CDH23: variants seen among roughly 807,000 people sequenced by gnomAD.
CDH23 encodes the protein cadherin related 23, also known as cadherin-23.
In CDH23, 189 loss-of-function variants were observed where a neutral mutation model predicts 317.1. The ratio of observed to expected loss-of-function variants is 0.60; its 90% CI spans 0.53 to 0.67. CDH23 has a LOEUF of 0.67. CDH23 is among the 30% of genes least tolerant of loss of function. CDH23 has a pLI of 0.00. For missense variants in CDH23, 4,401 were observed against 4,592.4 expected (o/e 0.96, Z 1.20); for synonymous variants, 1,839 against 1,876.8 (o/e 0.98, Z 0.52).
At chr10:71,688,720 G>T (rs1400618731) in intron 19 of CDH23, among the ~76,000 whole-genome samples, 1 of 142,832 alleles carries the variant, frequency 7.0e-6, no homozygotes. Context: ...GTGGAGTCAG[G>T]GGTGGTGGAG....
chr10:71,761,980 G>A (rs774132746), intron 38 of CDH23: 1 of 1,613,338 alleles, frequency 6.2e-7, no homozygotes, highest in South Asian at 1.1e-5. Context: ...CCTCGGGACA[G>A]ACATACAGGG....
At chr10:71,673,087 G>A (rs530563541) in intron 14 of CDH23, among the ~76,000 whole-genome samples, 43 of 152,034 alleles carry the variant, frequency 2.8e-4, no homozygotes, top group African/African-American at 9.2e-4. Flanking sequence ...TGTCTTCACC[G>A]CTGTCTCTCT....
chr10:71,777,602 C>G, intron 38 of CDH23, 78 bp from the exon 39 acceptor site: 1 of 1,308,428 alleles, frequency 7.6e-7, no homozygotes, highest in South Asian at 1.3e-5. Context: ...GTGAGTTCAG[C>G]CCAGGAGAAC....
At chr10:71,643,890 G>A (rs1862694931) in intron 12 of CDH23, 24 bp downstream of exon 12, 1 of 766,200 alleles carries the variant, frequency 1.3e-6, no homozygotes, top group Non-Finnish European at 2.4e-6. Context: ...TGAAGGGCAG[G>A]GGTTGGGCTT....
chr10:71,797,762 C>T lies in CDH23; in HGVS notation c.6829+542C>T, dbSNP rs374240374. 1.4e-4 allele frequency among the ~76,000 whole-genome samples: 21 copies of T among 152,174 alleles called. No individual in the cohort carries two copies. In the East Asian group the frequency reaches 4.1e-3, roughly 29 times the overall value. ...CGGGCCCAGGCCATCCTGCCTGCAG[C>T]CTGAGGCGTGGGCTGGGAGGGGGCT... On this transcript the variant is annotated intron_variant, in intron 49 of 69. Coordinates refer to ENST00000224721, the MANE Select transcript of CDH23 (RefSeq NM_022124.6).
intron 3 of CDH23, among the ~76,000 whole-genome samples, chr10:71,505,044 C>T (rs114000761): frequency 0.017 from 2,525 of 152,216 alleles, 58 homozygotes; most frequent in African/African-American, 0.054. Flanking sequence ...TCCAATGTAC[C>T]GTCTTAAACA....
intron 9 of CDH23, among the ~76,000 whole-genome samples, chr10:71,613,359 A>T (rs7917119): frequency 6.6e-6 from 1 of 152,212 alleles, no homozygotes; most frequent in Non-Finnish European, 1.5e-5. Context: ...AGGAGTCTCC[A>T]TGGCTGGGAA....
intron 6 of CDH23, among the ~76,000 whole-genome samples, chr10:71,517,660 A>G (rs909105457): frequency 6.6e-6 from 1 of 152,204 alleles, no homozygotes; most frequent in African/African-American, 2.4e-5. Context: ...CAGGAGAGGC[A>G]GCCCCTTGAC....
At chr10:71,492,180 T>C (rs569838141) in intron 3 of CDH23, among the ~76,000 whole-genome samples, 1 of 152,238 alleles carries the variant, frequency 6.6e-6, no homozygotes, top group South Asian at 2.1e-4. Context: ...GGGGCCAATC[T>C]CTGGGCAGCC....
intron 3 of CDH23, among the ~76,000 whole-genome samples, chr10:71,465,736 A>G (rs535886711): frequency 5.3e-5 from 8 of 152,332 alleles, no homozygotes; most frequent in Admixed American, 2.0e-4. Flanking sequence ...TGTGATTGGA[A>G]CATTGTCTGC....
intron 3 of CDH23, among the ~76,000 whole-genome samples, chr10:71,466,164 T>C (rs1851243889): frequency 6.6e-6 from 1 of 152,230 alleles, no homozygotes; most frequent in South Asian, 2.1e-4. Context: ...GGAGAGACTG[T>C]GGGTGTATGT....
At chr10:71,739,595 C>T in intron 35 of CDH23, 49 bp from the exon 36 acceptor site, 1 of 1,593,788 alleles carries the variant, frequency 6.3e-7, no homozygotes, top group Non-Finnish European at 8.6e-7. Flanking sequence ...TTGACCTGGC[C>T]ACCTCTCCTC....
At chr10:71,410,696 A>G (rs1406924569) in intron 1 of CDH23, among the ~76,000 whole-genome samples, 2 of 152,180 alleles carry the variant, frequency 1.3e-5, no homozygotes, top group Non-Finnish European at 2.9e-5. Context: ...CTAATACAGT[A>G]GATTCATTTT....
chr10:71,621,422 C>T (rs1210836809), intron 11 of CDH23, among the ~76,000 whole-genome samples: 2 of 152,284 alleles, frequency 1.3e-5, no homozygotes, highest in Middle Eastern at 3.4e-3. Flanking sequence ...GAATGGTGCA[C>T]GGGGGTGGGG....
intron 9 of CDH23, among the ~76,000 whole-genome samples, chr10:71,614,122 G>A (rs1199245909): frequency 6.6e-6 from 1 of 152,216 alleles, no homozygotes; most frequent in African/African-American, 2.4e-5. Context: ...CCTCTATGGA[G>A]CTTTCCTTCT....
At chr10:71,665,435 T>C (rs1863846201) in intron 14 of CDH23, among the ~76,000 whole-genome samples, 1 of 152,160 alleles carries the variant, frequency 6.6e-6, no homozygotes, top group Admixed American at 6.5e-5. Flanking sequence ...TGCAAGTGCT[T>C]TGCAAATGTA....
At chr10:71,629,088 G>A (rs778893879) in intron 11 of CDH23, among the ~76,000 whole-genome samples, 5 of 152,220 alleles carry the variant, frequency 3.3e-5, no homozygotes, top group Non-Finnish European at 5.9e-5. Context: ...ACGTTGAGTG[G>A]GAGGCGGGAT....
At chr10:71,541,929 G>T (rs1856010398) in intron 6 of CDH23, among the ~76,000 whole-genome samples, 1 of 152,158 alleles carries the variant, frequency 6.6e-6, no homozygotes, top group Non-Finnish European at 1.5e-5. Context: ...ACTTAAAAAT[G>T]TAAAAATCAT....
intron 8 of CDH23, among the ~76,000 whole-genome samples, chr10:71,576,610 C>T (rs1858220904): frequency 6.6e-6 from 1 of 152,122 alleles, no homozygotes; most frequent in South Asian, 2.1e-4. Flanking sequence ...CCAGGGTTGA[C>T]ATTTCCCTAG....
Sources: allele counts gnomAD v4.1 joint callset (sites outside exome capture counted in the v4.1 genomes callset), GRCh38; gene constraint gnomAD v4.1.1; transcripts MANE v1.5; gene names NCBI Gene and HGNC (gene_info 2026-07-23, HGNC 2026-07-21).